EPHB4: variants seen among roughly 807,000 people sequenced by gnomAD.
EPHB4 encodes ephrin type-B receptor 4.
Under a neutral mutation model 110.6 loss-of-function variants are expected in EPHB4, and 50 were observed. The observed-to-expected ratio is 0.45, with a 90% CI of 0.36 to 0.57. The LOEUF is 0.57. Ranked by LOEUF, EPHB4 falls within the 20% of genes least tolerant of loss-of-function variation. The probability of loss-of-function intolerance (pLI) is 0.00; values close to 1 mark genes in which losing one functional copy is unlikely to be tolerated. For synonymous variants in EPHB4, 592 were observed against 578.4 expected, an observed-to-expected ratio of 1.02 and a Z score of -0.34; for missense variants, 1,128 against 1,382.1, an observed-to-expected ratio of 0.82 and a Z score of 2.91.
At chr7:100,823,548 G>A in intron 3 of EPHB4, 96 bp downstream of exon 3, 1 of 1,491,220 alleles carries the variant, frequency 6.7e-7, no homozygotes, top group Non-Finnish European at 9.0e-7. Context: ...GCGCGGGCCA[G>A]AGGCCTCGCA....
At chr7:100,805,133 C>T (rs1303228845) in intron 16 of EPHB4, 33 bp downstream of exon 16, 1 of 1,603,704 alleles carries the variant, frequency 6.2e-7, no homozygotes, top group Admixed American at 1.7e-5. Flanking sequence ...GCCCCGCTCT[C>T]CCAGCCCCAC....
At position 100,819,787 on chromosome 7, in the gene EPHB4, G is replaced by C. The variant is rs192640017; in HGVS notation, c.1067C>G (p.Thr356Ser). The change falls in exon 6 of 17, where the codon ACC becomes AGC. Residue 356 changes from threonine to serine, a missense_variant. Thr to Ser is a moderately conservative substitution (Grantham distance 58). Transcript: ENST00000358173. ...PLESGGREDL[T>S]YALRCRECRP... ...GCACTCCCGGCAGCGGAGGGCGTAG[G>C]TGAGGTCCTCTCGGCCACCAGACTC... 533 of 1,579,302 alleles carry C rather than the reference G, an allele frequency of 3.4e-4. No individual in the cohort carries two copies. The highest frequency in any genetic ancestry group is 4.4e-4 in the Non-Finnish European group (512 of 1,163,048).
chr7:100,819,856 C>A lies in EPHB4; in HGVS notation c.998G>T (p.Arg333Leu). 1 of 1,550,930 alleles carries A rather than the reference C, an allele frequency of 6.4e-7. No homozygotes were observed. Among genetic ancestry groups the A allele is most frequent in the East Asian group, 2.4e-5 (1 of 40,998 alleles). The change falls in exon 6 of 17, where the codon CGC becomes CTC. Residue 333 changes from arginine to leucine, a missense_variant. Transcript: ENST00000358173. ...CAGGTGCAGGGAGGAGCCGTTCAGG[C>A]GGGAAACCACGCTCCGCGGAGCCGA... is the stretch of plus-strand genomic sequence containing the variant. ...PPSAPRSVVS[R>L]LNGSSLHLEW... is the part of the protein sequence containing the mutation.
At chr7:100,817,769 T>A (rs898840743) in intron 7 of EPHB4, among the ~76,000 whole-genome samples, 3 of 151,810 alleles carry the variant, frequency 2.0e-5, no homozygotes, top group African/African-American at 7.3e-5. Flanking sequence ...ACCCCAGGTG[T>A]TCTACCCACC....
At chr7:100,821,466 A>G (rs1813231456) in intron 4 of EPHB4, among the ~76,000 whole-genome samples, 1 of 150,894 alleles carries the variant, frequency 6.6e-6, no homozygotes, top group South Asian at 2.1e-4. Flanking sequence ...CATCTCTACT[A>G]AAAATACAAG....
At chr7:100,813,878 A>G (rs1422104036) in intron 9 of EPHB4, 41 bp downstream of exon 9, 2 of 1,611,582 alleles carry the variant, frequency 1.2e-6, no homozygotes, top group Admixed American at 1.7e-5. Context: ...GTGGCCATCA[A>G]CTGAGGGCTT....
chr7:100,817,126 T>G lies in EPHB4; in HGVS notation c.1588+66A>C, dbSNP rs117772736. ...AAAAGATGATGGGACTTTGGAGACC[T>G]GGGGTCTTCCCAGGAACTTTGGGGG... On this transcript the variant is annotated intron_variant, in intron 8 of 16. Coordinates refer to ENST00000358173, the MANE Select transcript of EPHB4 (RefSeq NM_004444.5). 86,776 of 1,280,152 alleles carry G rather than the reference T, an allele frequency of 0.068. 3,314 individuals are homozygous for G. The highest frequency in any genetic ancestry group is 0.17 in the Middle Eastern group (713 of 4,318). 79.3% of individuals were successfully genotyped at this position (1,280,152 alleles called of 1,614,324 possible).
rs563791926 is a variant in EPHB4 at position 100,823,823 on chromosome 7, C to G, written c.232G>C (p.Val78Leu). Residue 78 changes from valine to leucine, a missense_variant, in exon 3 of 17, where the codon GTC becomes CTC. By Grantham distance (32) the Val-to-Leu change is conservative (BLOSUM62 1). Transcript: ENST00000358173. ...GQAHWLRTGW[V>L]PRRGAVHVYA... ...ACGTGGACGGCGCCCCGCCGTGGGACCCAACCTGTGCGAAGCCAGTGGGCC... is the reference window on the plus strand; with the variant it reads ...ACGTGGACGGCGCCCCGCCGTGGGAGCCAACCTGTGCGAAGCCAGTGGGCC... 6.2e-7 allele frequency: 1 copy of G among 1,613,304 alleles called. No homozygotes were observed. The highest frequency in any genetic ancestry group is 8.5e-7 in the Non-Finnish European group (1 of 1,179,906).
At chr7:100,813,475 C>G (rs1812994964) in intron 10 of EPHB4, 177 bp downstream of exon 10, 4 of 734,566 alleles carry the variant, frequency 5.4e-6, no homozygotes, top group Non-Finnish European at 9.1e-6. Flanking sequence ...ACCACCATGC[C>G]TGGCTGACTG....
rs1276822411 is a variant in EPHB4 at position 100,802,942 on chromosome 7, A to G, written c.*519T>C. 1.3e-5 allele frequency: 2 copies of G among 152,360 alleles called. No homozygotes were observed. Among genetic ancestry groups the G allele is most frequent in the Non-Finnish European group, 2.9e-5 (2 of 68,120 alleles). The allele number at this position is 152,360 out of a possible 1,614,324, so 9.4% of individuals were successfully genotyped here. ...AAAATTAAGACCAAAAACAAAACTC[A>G]AAAACCTTCAATATGAAGGCAGCAG... On this transcript the variant is annotated 3_prime_UTR_variant, in exon 17 of 17. Transcript: ENST00000358173.
intron 13 of EPHB4, 47 bp downstream of exon 13, chr7:100,807,318 C>G (rs1309397987): frequency 6.3e-7 from 1 of 1,595,440 alleles, no homozygotes; most frequent in African/African-American, 1.3e-5. Context: ...CCTGCCCTGC[C>G]CACCTGGCCC....
In EPHB4 at chr7:100,822,786, C is replaced by T. The variant is rs141965435; in HGVS notation, c.412-119G>A. On this transcript the variant is annotated intron_variant, in intron 3 of 16. Coordinates refer to ENST00000358173, the MANE Select transcript of EPHB4 (RefSeq NM_004444.5). This position sits in a 1 kb window ranked among gnomAD's most constrained non-coding sequence, Gnocchi z 4.7. The stretch of plus-strand genomic sequence containing the variant: ...CTTGGTTCCCGTTCCAGAATCTTCC[C>T]TCCACCTTCCCCAGGGCACACTTTC... 756 of 1,388,040 alleles carry T rather than the reference C, an allele frequency of 5.4e-4. 2 individuals carry two copies. In the African/African-American group the frequency reaches 7.9e-3, roughly 15 times the overall value. 86.0% of individuals were successfully genotyped at this position (1,388,040 alleles called of 1,614,324 possible).
intron 12 of EPHB4, among the ~76,000 whole-genome samples, chr7:100,810,468 G>A (rs550711194): frequency 2.6e-5 from 4 of 151,418 alleles, no homozygotes; most frequent in South Asian, 2.1e-4. Context: ...ATCAGCAGGC[G>A]TGGTGGCTCA....
rs756541015 is a variant in EPHB4 at position 100,819,820 on chromosome 7, G to A, written c.1034C>T (p.Ala345Val). 1.9e-6 allele frequency: 3 copies of A among 1,559,420 alleles called. No homozygotes were observed. The highest frequency in any genetic ancestry group is 2.7e-5 in the African/African-American group (2 of 73,462). Residue 345 changes from alanine to valine, a missense_variant, in exon 6 of 17, where the codon GCC becomes GTC. Coordinates refer to ENST00000358173, the MANE Select transcript of EPHB4 (RefSeq NM_004444.5). Reference sequence around the variant, plus strand: ...CTCTCGGCCACCAGACTCCAGGGGGGCACTCCATTCCAGGTGCAGGGAGGA... The same window carrying A: ...CTCTCGGCCACCAGACTCCAGGGGGACACTCCATTCCAGGTGCAGGGAGGA... ...NGSSLHLEWS[A>V]PLESGGREDL...
chr7:100,823,724 A>G lies in EPHB4; in HGVS notation c.331T>C (p.Phe111Leu), dbSNP rs1255335672. 6.2e-7 allele frequency: 1 copy of G among 1,613,662 alleles called. No individual in the cohort carries two copies. Among genetic ancestry groups the G allele is most frequent in the South Asian group, 1.1e-5 (1 of 91,092 alleles). Residue 111 changes from phenylalanine to leucine, a missense_variant, in exon 3 of 17, where the codon TTC becomes CTC. Coordinates refer to ENST00000358173, the MANE Select transcript of EPHB4 (RefSeq NM_004444.5). ...TCGCTCTCATAGTAGAAGACGGTGA[A>G]GGTCTCCTTGCAGGAGCGCCCAGCC... is the stretch of plus-strand genomic sequence containing the variant. ...PRAGRSCKETFTVFYYESDAD... is the reference protein window; with the variant it reads ...PRAGRSCKETLTVFYYESDAD...
intron 1 of EPHB4, among the ~76,000 whole-genome samples, chr7:100,826,099 G>A (rs1159606419): frequency 2.0e-5 from 3 of 152,226 alleles, no homozygotes; most frequent in Non-Finnish European, 4.4e-5. Flanking sequence ...AGAGAAAGGG[G>A]GGTGTTGGCA....
In EPHB4 at chr7:100,805,273, A is replaced by G. The variant is rs1380446793; in HGVS notation, c.2727T>C (p.Phe909=). The change falls in exon 16 of 17, where the codon TTT becomes TTC. Residue 909 remains phenylalanine (F), a synonymous_variant. Coordinates refer to ENST00000358173, the MANE Select transcript of EPHB4 (RefSeq NM_004444.5). ...CCCGAAGCCACTCGCCCACAGAGCC[A>G]AAAGCTGAGTAGTGAGGCTGCCGCT... ...LDQRQPHYSA[F]GSVGEWLRAI... is the part of the protein sequence containing the mutation. The G allele has an allele frequency of 6.2e-7, 1 of 1,613,804 alleles. No homozygotes were observed. Among genetic ancestry groups the G allele is most frequent in the East Asian group, 2.2e-5 (1 of 44,872 alleles).
intron 13 of EPHB4, among the ~76,000 whole-genome samples, chr7:100,807,059 C>T (rs972791301): frequency 6.6e-5 from 10 of 152,160 alleles, no homozygotes; most frequent in African/African-American, 2.4e-4. Flanking sequence ...AACTCCTGGG[C>T]TTAAGCAATC....
chr7:100,818,506 G>A lies in EPHB4; in HGVS notation c.1422+14C>T. Reference sequence around the variant, plus strand: ...CCATTGCCCACCCACCCCAGGGCTGGGGGATGGCCTTACCTTCTCATGGTA... The same window carrying A: ...CCATTGCCCACCCACCCCAGGGCTGAGGGATGGCCTTACCTTCTCATGGTA... On this transcript the variant is annotated intron_variant, in intron 7 of 16. Coordinates refer to ENST00000358173, the MANE Select transcript of EPHB4 (RefSeq NM_004444.5). 6.2e-7 allele frequency: 1 copy of A among 1,613,484 alleles called. No individual in the cohort carries two copies. The highest frequency in any genetic ancestry group is 8.5e-7 in the Non-Finnish European group (1 of 1,179,540).
Sources: gnomAD v4.1 joint callset for allele counts (sites outside exome capture counted in the v4.1 genomes callset) on GRCh38, gnomAD v4.1.1 for gene constraint, Gnocchi (gnomAD v3.1) non-coding constraint, MANE v1.5 for transcripts, NCBI Gene and HGNC (gene_info 2026-07-23, HGNC 2026-07-21) for gene names.